FARS2: variants seen among roughly 807,000 people sequenced by gnomAD.
FARS2 encodes phenylalanyl-tRNA synthetase 2, mitochondrial.
FARS2 carries 40 observed loss-of-function variants against 46.4 expected under a neutral mutation model. The ratio of observed to expected loss-of-function variants is 0.86; its 90% CI spans 0.67 to 1.12. The LOEUF (loss-of-function observed/expected upper bound fraction) is 1.12, where lower values mean the gene tolerates loss of function less well. Among genes scored for constraint, FARS2 ranks in the 50% most tolerant of loss-of-function variants. The pLI is 0.00. For synonymous variants in FARS2, 234 were observed against 214.9 expected, an observed-to-expected ratio of 1.09 and a Z score of -0.78; for missense variants, 513 against 567.9, an observed-to-expected ratio of 0.90 and a Z score of 0.98.
intron 4 of FARS2, among the ~76,000 whole-genome samples, chr6:5,461,208 T>G (rs1190791707): frequency 7.9e-5 from 12 of 152,036 alleles, no homozygotes; most frequent in African/African-American, 2.9e-4. Context: ...CTGGCTAATT[T>G]TTTGTATTTT....
At chr6:5,538,900 G>T (rs948138627) in intron 4 of FARS2, among the ~76,000 whole-genome samples, 5 of 152,176 alleles carry the variant, frequency 3.3e-5, no homozygotes, top group South Asian at 2.1e-4. Context: ...CGAATGAAAG[G>T]TTGTAGGCAG....
At chr6:5,326,426 A>C (rs1363634746) in intron 1 of FARS2, among the ~76,000 whole-genome samples, 1 of 152,188 alleles carries the variant, frequency 6.6e-6, no homozygotes, top group Non-Finnish European at 1.5e-5. Flanking sequence ...AGCACACAGC[A>C]GTTGTGTCAG....
At chr6:5,446,310 G>C (rs775294424) in intron 4 of FARS2, among the ~76,000 whole-genome samples, 5 of 152,032 alleles carry the variant, frequency 3.3e-5, no homozygotes, top group African/African-American at 4.8e-5. Context: ...TATCATTTTA[G>C]ATTATTTGTC....
At chr6:5,341,145 C>T (rs1170065790) in intron 1 of FARS2, among the ~76,000 whole-genome samples, 3 of 132,230 alleles carry the variant, frequency 2.3e-5, no homozygotes, top group Non-Finnish European at 3.2e-5. Flanking sequence ...TTCATATGCA[C>T]ACGTTGTTTC....
intron 6 of FARS2, among the ~76,000 whole-genome samples, chr6:5,728,538 A>C (rs1760419019): frequency 6.6e-6 from 1 of 152,144 alleles, no homozygotes; most frequent in Non-Finnish European, 1.5e-5. Flanking sequence ...CAAAGCTGAG[A>C]ACACACTCAC....
chr6:5,541,542 A>G (rs556807423), intron 4 of FARS2, among the ~76,000 whole-genome samples: 53 of 152,332 alleles, frequency 3.5e-4, no homozygotes, highest in African/African-American at 1.1e-3. Flanking sequence ...TATTGTAGAT[A>G]ATCTTTAGTG....
intron 2 of FARS2, among the ~76,000 whole-genome samples, chr6:5,376,040 C>A (rs992725822): frequency 1.3e-5 from 2 of 152,086 alleles, no homozygotes; most frequent in Non-Finnish European, 2.9e-5. Context: ...TTTCTACGTG[C>A]TGGGTGGAGA....
intron 6 of FARS2, among the ~76,000 whole-genome samples, chr6:5,625,206 G>C (rs915096929): frequency 3.3e-5 from 5 of 152,170 alleles, no homozygotes; most frequent in Admixed American, 6.5e-5. Flanking sequence ...AAGTCTCAAG[G>C]ATATGCAGGT....
chr6:5,700,828 C>T (rs1404065274), intron 6 of FARS2, among the ~76,000 whole-genome samples: 1 of 152,140 alleles, frequency 6.6e-6, no homozygotes, highest in African/African-American at 2.4e-5. Context: ...ACACGTGGGC[C>T]GCGCTCTGCT....
intron 1 of FARS2, among the ~76,000 whole-genome samples, chr6:5,269,481 CAAAAAAA>C (rs766259294): frequency 2.2e-5 from 3 of 135,580 alleles, no homozygotes; most frequent in East Asian, 4.2e-4. Context: ...TGAAAATAAC[CAAAAAAA>C]AAAAAAGAGA....
chr6:5,490,357 A>G (rs546864185), intron 4 of FARS2, among the ~76,000 whole-genome samples: 19 of 152,354 alleles, frequency 1.2e-4, no homozygotes, highest in African/African-American at 4.1e-4. Flanking sequence ...TGCTGTGAGC[A>G]TTCATGGACA....
chr6:5,638,434 A>T (rs185195075), intron 6 of FARS2, among the ~76,000 whole-genome samples: 13 of 152,312 alleles, frequency 8.5e-5, no homozygotes, highest in African/African-American at 3.1e-4. Context: ...ATGTGGTGGC[A>T]CGTGCCTGTA....
At chr6:5,398,023 C>A (rs921689939) in intron 2 of FARS2, among the ~76,000 whole-genome samples, 10 of 152,132 alleles carry the variant, frequency 6.6e-5, no homozygotes, top group Non-Finnish European at 1.2e-4. Context: ...TTAGTGAGTT[C>A]TATCATGAAG....
chr6:5,401,256 T>G (rs753123194), intron 2 of FARS2, among the ~76,000 whole-genome samples: 7 of 152,144 alleles, frequency 4.6e-5, no homozygotes, highest in Non-Finnish European at 8.8e-5. Flanking sequence ...AATATATGTT[T>G]TATTATGCTT....
intron 6 of FARS2, among the ~76,000 whole-genome samples, chr6:5,617,243 T>C (rs1775526262): frequency 6.6e-6 from 1 of 152,260 alleles, no homozygotes; most frequent in African/African-American, 2.4e-5. Context: ...ATTCAGTTCC[T>C]TCTGAAGGAG....
At chr6:5,554,874 C>T (rs1771568550) in intron 5 of FARS2, among the ~76,000 whole-genome samples, 1 of 151,508 alleles carries the variant, frequency 6.6e-6, no homozygotes, top group Non-Finnish European at 1.5e-5. Context: ...TACCAAGCTG[C>T]TGTGCTAGAT....
intron 1 of FARS2, among the ~76,000 whole-genome samples, chr6:5,346,766 A>G (rs1277724732): frequency 1.3e-5 from 2 of 151,600 alleles, no homozygotes; most frequent in Non-Finnish European, 2.9e-5. Flanking sequence ...TTTTTTTGAT[A>G]GGTTTCAAAT....
At position 5,436,763 on chromosome 6, in the gene FARS2, A is replaced by C. The variant is rs1763544367; in HGVS notation, c.904+5591A>C. Among the ~76,000 whole-genome samples, 3 of 152,220 alleles carry C rather than the reference A, an allele frequency of 2.0e-5. No homozygotes were observed. In the South Asian group the frequency reaches 6.2e-4, roughly 32 times the overall value. ...TATTTAAAATGTCTGTTCATAGAGC[A>C]TCAGAGTCTGGAGGTCTGGGATGGA... is the stretch of plus-strand genomic sequence containing the variant. On this transcript the variant is annotated intron_variant, in intron 4 of 6. Coordinates refer to ENST00000274680, the MANE Select transcript of FARS2 (RefSeq NM_006567.5).
chr6:5,537,531 T>G (rs1473038934), intron 4 of FARS2, among the ~76,000 whole-genome samples: 1 of 150,242 alleles, frequency 6.7e-6, no homozygotes, highest in Non-Finnish European at 1.5e-5. Flanking sequence ...GTTGGAGATG[T>G]CCCGGGCCTC....
Sources: allele counts gnomAD v4.1 joint callset (sites outside exome capture counted in the v4.1 genomes callset), GRCh38; gene constraint gnomAD v4.1.1; transcripts MANE v1.5; gene names NCBI Gene and HGNC (gene_info 2026-07-23, HGNC 2026-07-21).